SGCZ: variants seen among roughly 807,000 people sequenced by gnomAD.
SGCZ encodes the protein zeta-sarcoglycan.
A neutral mutation model predicts 41.3 loss-of-function variants in SGCZ; 40 were observed. The ratio of observed to expected loss-of-function variants is 0.97; its 90% CI spans 0.75 to 1.26. The LOEUF is 1.26. Among genes scored for constraint, SGCZ ranks in the 50% most tolerant of loss-of-function variants. The pLI is 0.00. For synonymous variants in SGCZ, 206 were observed against 137.5 expected, an observed-to-expected ratio of 1.50 and a Z score of -3.49; for missense variants, 552 against 369.8, an observed-to-expected ratio of 1.49 and a Z score of -4.04.
At chr8:14,240,172 C>T (rs897240711) in intron 3 of SGCZ, among the ~76,000 whole-genome samples, 5 of 150,894 alleles carry the variant, frequency 3.3e-5, no homozygotes, top group East Asian at 2.0e-4. Context: ...ACTAAAAATA[C>T]GAAAAATTAG....
At chr8:14,967,059 T>C (rs535948204) in intron 1 of SGCZ, among the ~76,000 whole-genome samples, 1 of 152,248 alleles carries the variant, frequency 6.6e-6, no homozygotes, top group Non-Finnish European at 1.5e-5. Flanking sequence ...ATACAAAGAT[T>C]AAGTCACTCT....
At chr8:14,171,604 A>G (rs1038417039) in intron 4 of SGCZ, among the ~76,000 whole-genome samples, 22 of 152,066 alleles carry the variant, frequency 1.4e-4, no homozygotes, top group African/African-American at 4.3e-4. Flanking sequence ...AAAAGTACAT[A>G]TATTTACATT....
At chr8:14,985,242 A>T (rs570237823) in intron 1 of SGCZ, among the ~76,000 whole-genome samples, 4 of 152,206 alleles carry the variant, frequency 2.6e-5, no homozygotes, top group African/African-American at 9.6e-5. Flanking sequence ...TTTTTTCTAT[A>T]TTATCCCTTA....
intron 1 of SGCZ, among the ~76,000 whole-genome samples, chr8:14,673,452 C>G (rs1808172075): frequency 6.6e-6 from 1 of 152,008 alleles, no homozygotes; most frequent in Non-Finnish European, 1.5e-5. Flanking sequence ...CGCTGTCTCT[C>G]TCTCTCTCTC....
intron 1 of SGCZ, among the ~76,000 whole-genome samples, chr8:14,872,961 G>C (rs575489453): frequency 1.3e-5 from 2 of 152,118 alleles, no homozygotes; most frequent in Non-Finnish European, 2.9e-5. Context: ...GAAGTCAAAC[G>C]TTTAACTTGA....
rs1805420498 is a variant in SGCZ, at chr8:14,200,550, A to G, written c.425-35848T>C. 5.3e-5 allele frequency among the ~76,000 whole-genome samples: 8 copies of G among 152,320 alleles called. No homozygotes were observed. In the South Asian group the frequency reaches 1.4e-3, roughly 28 times the overall value. ...AGAGAGCCCAGTATGAGACCTGAAC[A>G]TATAAAATAAATGATTTTCTGATCA... On this transcript the variant is annotated intron_variant, in intron 4 of 7. Coordinates refer to ENST00000382080, the MANE Select transcript of SGCZ (RefSeq NM_139167.4).
intron 2 of SGCZ, among the ~76,000 whole-genome samples, chr8:14,437,428 A>G (rs934842606): frequency 2.0e-5 from 3 of 152,168 alleles, no homozygotes; most frequent in Non-Finnish European, 4.4e-5. Context: ...ATATTGCAAT[A>G]GAAACAAATG....
In SGCZ at chr8:14,090,380, A is replaced by G; in HGVS notation, c.*63T>C. On this transcript the variant is annotated 3_prime_UTR_variant, in exon 8 of 8. Coordinates refer to ENST00000382080, the MANE Select transcript of SGCZ (RefSeq NM_139167.4). ...GGACTGATCACAAGGGAAACCGAGCAGAACTGTGAAGCAGACGGACAGGAA... is the reference window on the plus strand; with the variant it reads ...GGACTGATCACAAGGGAAACCGAGCGGAACTGTGAAGCAGACGGACAGGAA... 1.3e-6 allele frequency: 2 copies of G among 1,539,176 alleles called. No individual in the cohort carries two copies. The highest frequency in any genetic ancestry group is 1.2e-5 in the South Asian group (1 of 80,528).
intron 1 of SGCZ, among the ~76,000 whole-genome samples, chr8:15,066,973 G>A (rs1031912369): frequency 1.3e-5 from 2 of 152,068 alleles, no homozygotes; most frequent in Admixed American, 6.5e-5. Context: ...GCATAAGATA[G>A]GAATAGTTAA....
chr8:14,525,179 GATAGATAGATAGA>G (rs1802908469), intron 2 of SGCZ, among the ~76,000 whole-genome samples: 1 of 138,188 alleles, frequency 7.2e-6, no homozygotes, highest in Non-Finnish European at 1.7e-5. Context: ...TAGATAGATA[GATAGATAGATAGA>G]TAGACAGACA....
At chr8:14,856,087 A>T (rs1803536954) in intron 1 of SGCZ, among the ~76,000 whole-genome samples, 1 of 152,196 alleles carries the variant, frequency 6.6e-6, no homozygotes, top group South Asian at 2.1e-4. Flanking sequence ...ATCAAAATAA[A>T]ACATATAATA....
intron 1 of SGCZ, among the ~76,000 whole-genome samples, chr8:15,222,877 G>C (rs1801650563): frequency 6.6e-6 from 1 of 152,002 alleles, no homozygotes; most frequent in South Asian, 2.1e-4. Flanking sequence ...AACAATTAAA[G>C]ACAACAAATG....
chr8:14,824,821 C>A (rs929251139), intron 1 of SGCZ, among the ~76,000 whole-genome samples: 3 of 152,060 alleles, frequency 2.0e-5, no homozygotes, highest in Admixed American at 6.6e-5. Flanking sequence ...TCCTTCTTCT[C>A]TATTGATCTA....
intron 1 of SGCZ, among the ~76,000 whole-genome samples, chr8:15,198,494 T>TAGC (rs1305721415): frequency 1.3e-5 from 2 of 152,186 alleles, no homozygotes; most frequent in Non-Finnish European, 2.9e-5. Flanking sequence ...TTTTTAAAAG[T>TAGC]AGCACATCAA....
At chr8:14,119,246 G>A (rs898120207) in intron 5 of SGCZ, among the ~76,000 whole-genome samples, 1 of 152,036 alleles carries the variant, frequency 6.6e-6, no homozygotes, top group Non-Finnish European at 1.5e-5. Context: ...CTTGAGCAGT[G>A]GTGTGTAATT....
At chr8:14,105,536 T>C (rs1053704137) in intron 6 of SGCZ, among the ~76,000 whole-genome samples, 1 of 152,106 alleles carries the variant, frequency 6.6e-6, no homozygotes, top group South Asian at 2.1e-4. Context: ...TGTAAAGTTT[T>C]TCTCAGACAC....
chr8:14,994,064 T>C (rs899000356), intron 1 of SGCZ, among the ~76,000 whole-genome samples: 1 of 152,102 alleles, frequency 6.6e-6, no homozygotes, highest in African/African-American at 2.4e-5. Flanking sequence ...TGAGAAGTGA[T>C]TGGGTTCTGA....
At chr8:14,694,787 A>G (rs17321056) in intron 1 of SGCZ, among the ~76,000 whole-genome samples, 2,600 of 152,320 alleles carry the variant, frequency 0.017, 35 homozygotes, top group Middle Eastern at 0.027. Context: ...TCACATTTCT[A>G]AAAGTCTCAC....
chr8:15,231,876 C>A (rs1801951827), intron 1 of SGCZ, among the ~76,000 whole-genome samples: 1 of 152,076 alleles, frequency 6.6e-6, no homozygotes. Flanking sequence ...CCTGCCTTGG[C>A]CTTCCAAAGT....
Sources: allele counts gnomAD v4.1 joint callset (sites outside exome capture counted in the v4.1 genomes callset), GRCh38; gene constraint gnomAD v4.1.1; transcripts MANE v1.5; gene names NCBI Gene and HGNC (gene_info 2026-07-23, HGNC 2026-07-21).